ACSM1: variants seen among roughly 807,000 people sequenced by gnomAD.
ACSM1 encodes the protein acyl-CoA synthetase medium chain family member 1, also known as acyl-coenzyme A synthetase ACSM1, mitochondrial.
In ACSM1, 79 loss-of-function variants were observed where a neutral mutation model predicts 75.8. The ratio of observed to expected loss-of-function variants is 1.04; its 90% CI spans 0.87 to 1.26. ACSM1 has a LOEUF of 1.26. ACSM1 is among the 50% of genes most tolerant of loss of function. ACSM1 has a pLI of 0.00. For missense variants in ACSM1, 676 were observed against 720.1 expected (o/e 0.94, Z 0.70); for synonymous variants, 279 against 265.8 (o/e 1.05, Z -0.48).
intron 4 of ACSM1, chr16:20,680,903 G>A (rs565246104): frequency 2.4e-4 from 37 of 152,306 alleles, no homozygotes; most frequent in African/African-American, 8.2e-4. Context: ...TAACAATCAA[G>A]CCATTCTTCT....
At chr16:20,693,679 A>G (rs1455854755) in intron 1 of ACSM1, among the ~76,000 whole-genome samples, 2 of 152,166 alleles carry the variant, frequency 1.3e-5, no homozygotes, top group African/African-American at 4.8e-5. Context: ...GATGTTCTCC[A>G]GTTTGATGCA....
chr16:20,667,041 G>T (rs935345241), intron 6 of ACSM1, among the ~76,000 whole-genome samples: 1 of 152,104 alleles, frequency 6.6e-6, no homozygotes, highest in Non-Finnish European at 1.5e-5. Flanking sequence ...CTATGGCAAA[G>T]AATTTATGGC....
At chr16:20,690,628 A>G (rs1169070098) in intron 2 of ACSM1, among the ~76,000 whole-genome samples, 6 of 152,202 alleles carry the variant, frequency 3.9e-5, no homozygotes, top group African/African-American at 1.2e-4. Context: ...TGACATGAAT[A>G]CCAGTTAAGA....
chr16:20,624,063 G>A (rs1279329715), intron 13 of ACSM1, 33 bp downstream of exon 13: 5 of 1,607,066 alleles, frequency 3.1e-6, no homozygotes, highest in African/African-American at 1.3e-5. Context: ...ACGCTTCAGG[G>A]CCACCAGATC....
chr16:20,692,006 A>G (rs941054925), intron 1 of ACSM1, among the ~76,000 whole-genome samples: 3 of 152,170 alleles, frequency 2.0e-5, no homozygotes, highest in Non-Finnish European at 4.4e-5. Context: ...GTTCCTCTGC[A>G]TGTCTGCCCC....
At chr16:20,661,015 G>T (rs956417537) in intron 7 of ACSM1, among the ~76,000 whole-genome samples, 1 of 152,104 alleles carries the variant, frequency 6.6e-6, no homozygotes, top group African/African-American at 2.4e-5. Flanking sequence ...AAGATAGTAT[G>T]GTATTGTGTT....
At chr16:20,688,245 T>C (rs189191283) in intron 2 of ACSM1, among the ~76,000 whole-genome samples, 2 of 152,220 alleles carry the variant, frequency 1.3e-5, no homozygotes, top group Non-Finnish European at 2.9e-5. Context: ...TTAAAATTAC[T>C]GAATCTGAGA....
At chr16:20,695,639 C>T (rs765232518) in intron 1 of ACSM1, among the ~76,000 whole-genome samples, 1 of 151,582 alleles carries the variant, frequency 6.6e-6, no homozygotes, top group Non-Finnish European at 1.5e-5. Flanking sequence ...ATGTATCTAT[C>T]GTCTATCTAT....
chr16:20,695,136 G>A (rs770424408), intron 1 of ACSM1, among the ~76,000 whole-genome samples: 11 of 152,178 alleles, frequency 7.2e-5, no homozygotes, highest in Non-Finnish European at 7.3e-5. Flanking sequence ...CGTCACATGA[G>A]AGGGCCAAAC....
chr16:20,670,566 T>A (rs1348483007), intron 5 of ACSM1, among the ~76,000 whole-genome samples: 2 of 152,212 alleles, frequency 1.3e-5, no homozygotes, highest in African/African-American at 4.8e-5. Context: ...ATCTCCCCGT[T>A]GTTTTCCTAA....
chr16:20,626,356 A>T (rs137932799), intron 11 of ACSM1, among the ~76,000 whole-genome samples: 46 of 152,040 alleles, frequency 3.0e-4, no homozygotes, highest in African/African-American at 1.0e-3. Flanking sequence ...AAAATAAAAT[A>T]AAATAAAATA....
intron 2 of ACSM1, among the ~76,000 whole-genome samples, chr16:20,688,909 T>G (rs1320226106): frequency 6.6e-6 from 1 of 150,722 alleles, no homozygotes; most frequent in Non-Finnish European, 1.5e-5. Flanking sequence ...CACTTGTTAT[T>G]TGTTACAGTA....
chr16:20,693,401 T>C (rs1022895412), intron 1 of ACSM1, among the ~76,000 whole-genome samples: 5 of 152,160 alleles, frequency 3.3e-5, no homozygotes, highest in African/African-American at 1.2e-4. Flanking sequence ...TGAAGTTTGA[T>C]TGGAAAAAAT....
intron 8 of ACSM1, among the ~76,000 whole-genome samples, chr16:20,640,143 T>C (rs2017963956): frequency 6.6e-6 from 1 of 152,226 alleles, no homozygotes; most frequent in African/African-American, 2.4e-5. Flanking sequence ...GACTTACGTT[T>C]ATCTTATGTA....
At chr16:20,649,733 C>T (rs1301581555) in intron 7 of ACSM1, among the ~76,000 whole-genome samples, 1 of 152,140 alleles carries the variant, frequency 6.6e-6, no homozygotes, top group African/African-American at 2.4e-5. Context: ...TTTGAGTTGT[C>T]CTGCCTTTCT....
chr16:20,637,322 A>G (rs769409765), intron 9 of ACSM1, 49 bp downstream of exon 9: 11 of 1,509,002 alleles, frequency 7.3e-6, no homozygotes, highest in Admixed American at 6.7e-5. Flanking sequence ...AAATTGTCCA[A>G]CCCCCGCTGA....
Position 20,625,510 on chromosome 16 carries a change from C to A in ACSM1, c.1440G>T (p.Gly480=), listed in dbSNP as rs766977823. Reference sequence around the variant, plus strand: ...CCAAAGCGCTTTCAACCTCTGCAGGCCCGATGCGATACCTGGAGGATGAAG... The same window carrying A: ...CCAAAGCGCTTTCAACCTCTGCAGGACCGATGCGATACCTGGAGGATGAAG... ...DIINASGYRI[G]PAEVESALVE... The change falls in exon 12 of 14, where the codon GGG becomes GGT. Residue 480 remains glycine (G), a synonymous_variant. Coordinates refer to ENST00000520010, the MANE Select transcript of ACSM1 (RefSeq NM_001318890.3). 42 of 1,614,014 alleles carry A rather than the reference C, an allele frequency of 2.6e-5. No homozygotes were observed. The highest frequency in any genetic ancestry group is 3.3e-5 in the Non-Finnish European group (39 of 1,179,976).
intron 4 of ACSM1, chr16:20,681,311 T>C (rs1596944041): frequency 6.6e-6 from 1 of 152,302 alleles, no homozygotes; most frequent in East Asian, 1.9e-4. Context: ...ATGTGGAAAA[T>C]TTAATTTAAC....
intron 4 of ACSM1, chr16:20,681,992 T>C: frequency 2.9e-6 from 1 of 346,470 alleles, no homozygotes; most frequent in Non-Finnish European, 5.5e-6. Context: ...AATGATGTAA[T>C]ACATGTCTCA....
Sources: allele counts gnomAD v4.1 joint callset (sites outside exome capture counted in the v4.1 genomes callset), GRCh38; gene constraint gnomAD v4.1.1; transcripts MANE v1.5; gene names NCBI Gene and HGNC (gene_info 2026-07-23, HGNC 2026-07-21).